The following BAZ1B variants were observed in gnomAD, a reference collection of about 807,000 sequenced individuals.
The protein encoded by BAZ1B is bromodomain adjacent to zinc finger domain 1B.
In BAZ1B, 22 loss-of-function variants were observed where a neutral mutation model predicts 153.8. That is an observed-to-expected ratio of 0.14 (90% CI 0.10 to 0.20). The LOEUF (loss-of-function observed/expected upper bound fraction) is 0.20. Among genes scored for constraint, BAZ1B ranks in the 10% least tolerant of loss-of-function variants. The pLI is 1.00. For missense variants in BAZ1B, 1,325 were observed against 1,799.3 expected (o/e 0.74, Z 4.77); for synonymous variants, 676 against 633.4 (o/e 1.07, Z -1.01).
At chr7:73,487,717 C>A (rs1789465059) in intron 6 of BAZ1B, among the ~76,000 whole-genome samples, 1 of 152,076 alleles carries the variant, frequency 6.6e-6, no homozygotes, top group Non-Finnish European at 1.5e-5. Context: ...TCTGTGGCAA[C>A]AAAATGACAG....
At position 73,508,396 on chromosome 7, in the gene BAZ1B, C is replaced by T. The variant is rs1466174473; in HGVS notation, c.300G>A (p.Glu100=). Reference sequence around the variant, plus strand: ...CCAACCAAGCAGTATCTACTAACTTCTCTAAGGAGGCTGTGTTATGGTGAA... The same window carrying T: ...CCAACCAAGCAGTATCTACTAACTTTTCTAAGGAGGCTGTGTTATGGTGAA... ...EMVHHNTASL[E]KLVDTAWLEI... is the part of the protein sequence containing the mutation. The change falls in exon 3 of 20, where the codon GAG becomes GAA. Residue 100 remains glutamate (E), a synonymous_variant. Coordinates refer to ENST00000339594, the MANE Select transcript of BAZ1B (RefSeq NM_032408.4). 12 of 1,614,060 alleles carry T rather than the reference C, an allele frequency of 7.4e-6. No homozygotes were observed. Among genetic ancestry groups the T allele is most frequent in the Non-Finnish European group, 1.0e-5 (12 of 1,179,982 alleles).
chr7:73,521,394 A>G (rs1156457995), intron 1 of BAZ1B, among the ~76,000 whole-genome samples: 3 of 152,202 alleles, frequency 2.0e-5, no homozygotes, highest in African/African-American at 7.2e-5. Context: ...CGCGAGTACA[A>G]TTTCAAAACT....
intron 8 of BAZ1B, 83 bp from the exon 9 acceptor site, chr7:73,469,733 A>C: frequency 1.3e-6 from 2 of 1,496,182 alleles, no homozygotes; most frequent in Non-Finnish European, 9.2e-7. Context: ...GATAATACAG[A>C]GTATCACTGA....
At chr7:73,507,723 G>A (rs187037529) in intron 3 of BAZ1B, among the ~76,000 whole-genome samples, 26 of 152,324 alleles carry the variant, frequency 1.7e-4, no homozygotes, top group Admixed American at 1.5e-3. Context: ...TCAAGGCCAA[G>A]AGTGATGGCA....
intron 6 of BAZ1B, among the ~76,000 whole-genome samples, chr7:73,483,915 C>G (rs1223475043): frequency 3.3e-5 from 5 of 152,134 alleles, no homozygotes; most frequent in African/African-American, 1.2e-4. Context: ...GCTGAAATTA[C>G]AAGCAAGAGC....
chr7:73,463,147 G>T, intron 11 of BAZ1B, 48 bp from the exon 12 acceptor site: 2 of 1,487,450 alleles, frequency 1.3e-6, no homozygotes, highest in Non-Finnish European at 1.8e-6. Context: ...AACTTTTGAA[G>T]ATGTTCTTCA....
At chr7:73,448,382 T>C (rs1787915745) in intron 15 of BAZ1B, among the ~76,000 whole-genome samples, 2 of 152,202 alleles carry the variant, frequency 1.3e-5, no homozygotes, top group South Asian at 4.1e-4. Flanking sequence ...AACAACAGTA[T>C]TATCTTGGCA....
chr7:73,469,022 C>T (rs782819414), intron 9 of BAZ1B, among the ~76,000 whole-genome samples: 7 of 150,924 alleles, frequency 4.6e-5, no homozygotes, highest in African/African-American at 1.7e-4. Context: ...CCCAGCTACT[C>T]GGGAGACTGA....
intron 13 of BAZ1B, among the ~76,000 whole-genome samples, chr7:73,457,008 C>T (rs1173013953): frequency 7.1e-6 from 1 of 141,352 alleles, no homozygotes; most frequent in Non-Finnish European, 1.5e-5. Flanking sequence ...AAACCAGAAC[C>T]CTCATGAGTT....
At chr7:73,492,054 G>C (rs564717045) in intron 5 of BAZ1B, among the ~76,000 whole-genome samples, 8 of 149,838 alleles carry the variant, frequency 5.3e-5, no homozygotes, top group Admixed American at 1.3e-4. Flanking sequence ...GTGCAGGGGC[G>C]CAATCTCAAC....
rs148299208 is a variant in BAZ1B, at chr7:73,450,884, G to A, written c.3543C>T (p.Ser1181=). 3.1e-4 allele frequency: 499 copies of A among 1,613,978 alleles called. No homozygotes were observed. Among genetic ancestry groups the A allele is most frequent in the Non-Finnish European group, 4.0e-4 (468 of 1,179,990 alleles). The change falls in exon 14 of 20, where the codon TCC becomes TCT. Residue 1181 remains serine, a synonymous_variant. Transcript: ENST00000339594. The surrounding 1 kb of genome is among the most constrained non-coding windows in gnomAD (Gnocchi z 4.1). The part of the protein sequence containing the change: ...MLDACIKWDM[S]AENARCKVCR... ...AAACTTTGCACCTAGCATTTTCTGC[G>A]GACATATCCCACTTGATACAGGCAT...
In BAZ1B at chr7:73,477,517, A is replaced by G. The variant is rs952579937; in HGVS notation, c.1944T>C (p.Phe648=). ...MEALSADKGG[F]LYLNRVLVIL... The stretch of plus-strand genomic sequence containing the variant: ...TGACCAACACCCTGTTAAGGTATAA[A>G]AAGCCACCCTTATCTGCACTCAAGG... The change falls in exon 7 of 20, where the codon TTT becomes TTC. Residue 648 remains phenylalanine (F), a synonymous_variant. Coordinates refer to ENST00000339594, the MANE Select transcript of BAZ1B (RefSeq NM_032408.4). This position sits in a 1 kb window ranked among gnomAD's most constrained non-coding sequence, Gnocchi z 5.6. 1.1e-5 allele frequency: 18 copies of G among 1,614,056 alleles called. No homozygotes were observed. Among genetic ancestry groups the G allele is most frequent in the East Asian group, 8.9e-5 (4 of 44,896 alleles).
chr7:73,486,556 G>T (rs1554574510), intron 6 of BAZ1B, among the ~76,000 whole-genome samples: 1 of 152,120 alleles, frequency 6.6e-6, no homozygotes, highest in African/African-American at 2.4e-5. Flanking sequence ...TCGATCTCCT[G>T]ACCTCGTGAT....
chr7:73,444,713 A>G (rs898483986), intron 16 of BAZ1B, among the ~76,000 whole-genome samples: 4 of 152,138 alleles, frequency 2.6e-5, no homozygotes, highest in African/African-American at 7.2e-5. Context: ...AGGATCCCCA[A>G]TGAGAGAATA....
intron 13 of BAZ1B, among the ~76,000 whole-genome samples, chr7:73,452,998 G>A (rs527835015): frequency 3.9e-5 from 6 of 152,186 alleles, no homozygotes; most frequent in East Asian, 3.9e-4. Flanking sequence ...ATTAAAAACC[G>A]AAATCAACCA....
At chr7:73,447,742 A>G (rs1228523031) in intron 15 of BAZ1B, among the ~76,000 whole-genome samples, 1 of 152,218 alleles carries the variant, frequency 6.6e-6, no homozygotes, top group Non-Finnish European at 1.5e-5. Flanking sequence ...CAGTTACTAA[A>G]AGCTGTCCCC....
rs190238708 is a variant in BAZ1B, at chr7:73,500,122, T to C, written c.370-1424A>G. Reference sequence around the variant, plus strand: ...CACCACACCTGGTCAATGTCTACCCTTTAATTGAAATGTTTAGATTACTTA... The same window carrying C: ...CACCACACCTGGTCAATGTCTACCCCTTAATTGAAATGTTTAGATTACTTA... On this transcript the variant is annotated intron_variant, in intron 3 of 19. Coordinates refer to ENST00000339594, the MANE Select transcript of BAZ1B (RefSeq NM_032408.4). Among the ~76,000 whole-genome samples the C allele has an allele frequency of 5.7e-4, 87 of 152,288 alleles. 1 individual carries two copies. The highest frequency in any genetic ancestry group is 6.8e-3 in the Middle Eastern group (2 of 294).
At position 73,440,746 on chromosome 7, in the gene BAZ1B, T is replaced by C. The variant is rs1787582103; in HGVS notation, c.*963A>G. ...AGGAAGCAGAGGCCACATTCCGCAG[T>C]TTAAAATTAAGAGGCTTGATTCTCA... On this transcript the variant is annotated 3_prime_UTR_variant, in exon 20 of 20. Transcript: ENST00000339594. 6.6e-6 allele frequency: 1 copy of C among 152,570 alleles called. No homozygotes were observed. The highest frequency in any genetic ancestry group is 2.1e-4 in the South Asian group (1 of 4,822). The allele number at this position is 152,570 out of a possible 1,614,324, so 9.5% of individuals were successfully genotyped here.
At chr7:73,516,480 G>A (rs1554579298) in intron 1 of BAZ1B, among the ~76,000 whole-genome samples, 2 of 151,916 alleles carry the variant, frequency 1.3e-5, no homozygotes, top group Non-Finnish European at 2.9e-5. Flanking sequence ...TAATTGCCTA[G>A]TCAAACTGAT....
Sources: allele counts gnomAD v4.1 joint callset (sites outside exome capture counted in the v4.1 genomes callset), GRCh38; gene constraint gnomAD v4.1.1; non-coding constraint Gnocchi (gnomAD v3.1); transcripts MANE v1.5; gene names NCBI Gene and HGNC (gene_info 2026-07-23, HGNC 2026-07-21).